PTPRD: variants seen among roughly 807,000 people sequenced by gnomAD.
The protein encoded by PTPRD is protein tyrosine phosphatase receptor type D.
Under a neutral mutation model 214.5 loss-of-function variants are expected in PTPRD, and 34 were observed. The ratio of observed to expected loss-of-function variants is 0.16; its 90% CI spans 0.12 to 0.21. The LOEUF (loss-of-function observed/expected upper bound fraction) is 0.21, where lower values mean the gene tolerates loss of function less well. PTPRD is among the 10% of genes least tolerant of loss of function. The pLI is 1.00. For missense variants in PTPRD, 2,545 were observed against 2,398.7 expected, an observed-to-expected ratio of 1.06 and a Z score of -1.27; for synonymous variants, 1,128 against 845.7, an observed-to-expected ratio of 1.33 and a Z score of -5.79.
At chr9:8,924,537 C>A (rs889782964) in intron 11 of PTPRD, among the ~76,000 whole-genome samples, 1 of 152,088 alleles carries the variant, frequency 6.6e-6, no homozygotes, top group Non-Finnish European at 1.5e-5. Context: ...CAAAGTGGTA[C>A]CTGAATTTCA....
chr9:9,224,159 A>G (rs2099957953), intron 9 of PTPRD, among the ~76,000 whole-genome samples: 1 of 151,986 alleles, frequency 6.6e-6, no homozygotes, highest in Admixed American at 6.6e-5. Context: ...AGAGACAGGC[A>G]GCTACAGTCA....
At chr9:8,733,665 G>A in intron 12 of PTPRD, 115 bp downstream of exon 12, 1 of 1,078,082 alleles carries the variant, frequency 9.3e-7, no homozygotes, top group South Asian at 1.4e-5. Flanking sequence ...ATCCCGCAGT[G>A]TCTCAGGATT....
chr9:10,084,367 A>C (rs961786945), intron 3 of PTPRD, among the ~76,000 whole-genome samples: 1 of 151,966 alleles, frequency 6.6e-6, no homozygotes, highest in African/African-American at 2.4e-5. Context: ...GCCAAACTGT[A>C]TATCTGTTAA....
At chr9:9,750,813 C>G (rs1188555035) in intron 6 of PTPRD, among the ~76,000 whole-genome samples, 2 of 152,058 alleles carry the variant, frequency 1.3e-5, no homozygotes, top group African/African-American at 2.4e-5. Flanking sequence ...ATTTCCCCTC[C>G]CCTAATTCCT....
Position 9,813,101 on chromosome 9 carries a change from G to A in PTPRD, c.-367-46250C>T, listed in dbSNP as rs536881417. ...AATCAAAAAGTATAAGGAGACAAAT[G>A]AAAAAGAAAAAGACAACATGCAAAA... On this transcript the variant is annotated intron_variant, in intron 5 of 45. Transcript: ENST00000381196. 3.3e-5 allele frequency among the ~76,000 whole-genome samples: 5 copies of A among 151,890 alleles called. No individual in the cohort carries two copies. In the South Asian group the frequency reaches 8.3e-4, roughly 25 times the overall value.
At chr9:10,001,003 C>G (rs2096295357) in intron 4 of PTPRD, among the ~76,000 whole-genome samples, 1 of 152,190 alleles carries the variant, frequency 6.6e-6, no homozygotes, top group Admixed American at 6.5e-5. Context: ...TATTACCGAC[C>G]ACTTTTTCGC....
intron 10 of PTPRD, among the ~76,000 whole-genome samples, chr9:9,133,958 C>A (rs963880682): frequency 6.6e-6 from 1 of 151,380 alleles, no homozygotes; most frequent in African/African-American, 2.4e-5. Flanking sequence ...ATCTCTCAGA[C>A]TTAACATTTG....
At chr9:8,340,957 T>C in intron 41 of PTPRD, 133 bp downstream of exon 41, 1 of 889,688 alleles carries the variant, frequency 1.1e-6, no homozygotes, top group Non-Finnish European at 1.6e-6. Context: ...AAAAAACAAA[T>C]ACCAAGGGAC....
intron 5 of PTPRD, among the ~76,000 whole-genome samples, chr9:9,877,077 T>C (rs949206058): frequency 6.6e-6 from 1 of 152,122 alleles, no homozygotes; most frequent in African/African-American, 2.4e-5. Context: ...AATTCAAGCA[T>C]CCAGGCACCA....
chr9:9,039,657 A>C (rs142463144), intron 10 of PTPRD, among the ~76,000 whole-genome samples: 17 of 152,340 alleles, frequency 1.1e-4, no homozygotes, highest in Admixed American at 3.3e-4. Flanking sequence ...TTACAGAAGT[A>C]GTTATTGACC....
intron 9 of PTPRD, among the ~76,000 whole-genome samples, chr9:9,352,361 G>A (rs9408765): frequency 3.3e-5 from 4 of 121,274 alleles, no homozygotes; most frequent in East Asian, 2.6e-4. Context: ...GTGTATATAT[G>A]TGTGTGTGTG....
In PTPRD at chr9:8,505,724, G is replaced by A. The variant is rs138103407; in HGVS notation, c.1678-1319C>T. On this transcript the variant is annotated intron_variant, in intron 22 of 45. Transcript: ENST00000381196. Reference sequence around the variant, plus strand: ...GGTGTTCTGACTTACAAATACAAAAGTTTTCAGGAATTTTAGATCCACCAA... The same window carrying A: ...GGTGTTCTGACTTACAAATACAAAAATTTTCAGGAATTTTAGATCCACCAA... 2.1e-3 allele frequency among the ~76,000 whole-genome samples: 322 copies of A among 150,368 alleles called. 4 individuals carry two copies. Among genetic ancestry groups the A allele is most frequent in the Admixed American group, 0.019 (283 of 15,160 alleles).
In PTPRD at chr9:10,533,958, A is replaced by AT. The variant is rs1330607418; in HGVS notation, c.-600+78439dup. On this transcript the variant is annotated intron_variant, in intron 2 of 45. Transcript: ENST00000381196. ...CAGTTAAAAGTTAAGTTTGTAGCCT[A>AT]TTTTTTTCTAAGGGAATATTTTATT... Among the ~76,000 whole-genome samples the AT allele has an allele frequency of 2.8e-4, 42 of 151,354 alleles. No individual in the cohort carries two copies. The East Asian group carries it at 7.6e-3, about 27-fold the overall frequency.
intron 21 of PTPRD, among the ~76,000 whole-genome samples, chr9:8,509,826 C>G (rs1038202042): frequency 2.0e-5 from 3 of 152,136 alleles, no homozygotes; most frequent in African/African-American, 7.2e-5. Context: ...ACATCCAAGT[C>G]TCAGAGAGTA....
intron 9 of PTPRD, among the ~76,000 whole-genome samples, chr9:9,262,624 G>C (rs1399039897): frequency 6.6e-6 from 1 of 151,394 alleles, no homozygotes; most frequent in Non-Finnish European, 1.5e-5. Context: ...TATAGAAATG[G>C]ATGAATCCTT....
chr9:9,081,236 C>T (rs1414450965), intron 10 of PTPRD, among the ~76,000 whole-genome samples: 2 of 152,042 alleles, frequency 1.3e-5, no homozygotes, highest in Admixed American at 6.6e-5. Flanking sequence ...TTATTTCTGC[C>T]TTAATTTCAT....
intron 5 of PTPRD, among the ~76,000 whole-genome samples, chr9:9,899,844 A>T (rs919168308): frequency 1.3e-5 from 2 of 152,144 alleles, no homozygotes; most frequent in Non-Finnish European, 2.9e-5. Context: ...TTATACATGC[A>T]GATGGAACAC....
chr9:8,954,309 T>TA (rs1555594279), intron 11 of PTPRD, among the ~76,000 whole-genome samples: 5 of 151,372 alleles, frequency 3.3e-5, no homozygotes, highest in Non-Finnish European at 7.4e-5. Flanking sequence ...CACATGAACA[T>TA]AAAAAAAGGA....
intron 2 of PTPRD, among the ~76,000 whole-genome samples, chr9:10,351,746 CT>C (rs1361659242): frequency 1.3e-5 from 2 of 150,082 alleles, no homozygotes; most frequent in Non-Finnish European, 3.0e-5. Context: ...AACTTTTTCT[CT>C]GTTTCTTAAT....
Sources: gnomAD v4.1 joint callset for allele counts (sites outside exome capture counted in the v4.1 genomes callset) on GRCh38, gnomAD v4.1.1 for gene constraint, MANE v1.5 for transcripts, NCBI Gene and HGNC (gene_info 2026-07-23, HGNC 2026-07-21) for gene names.